Variants in SAE1 observed in about 807,000 individuals in gnomAD.
The protein encoded by SAE1 is SUMO-activating enzyme subunit 1.
SAE1 carries 11 observed loss-of-function variants against 40.6 expected under a neutral mutation model. The ratio of observed to expected loss-of-function variants is 0.27; its 90% confidence interval spans 0.17 to 0.45. SAE1 has a LOEUF of 0.45. Ranked by LOEUF, SAE1 falls within the 20% of genes least tolerant of loss-of-function variation. SAE1 has a pLI of 1.00. For missense variants in SAE1, 373 were observed against 427.3 expected (o/e 0.87, Z 1.12); for synonymous variants, 155 against 154.3 (o/e 1.00, Z -0.03).
At chr19:47,181,584 T>C (rs1314685939) in intron 6 of SAE1, among the ~76,000 whole-genome samples, 6 of 146,410 alleles carry the variant, frequency 4.1e-5, no homozygotes, top group Non-Finnish European at 7.5e-5. Flanking sequence ...GTTTACGCCA[T>C]TCTCCTGCCT....
intron 6 of SAE1, among the ~76,000 whole-genome samples, chr19:47,194,604 T>C (rs1347150759): frequency 6.6e-6 from 1 of 152,170 alleles, no homozygotes; most frequent in Non-Finnish European, 1.5e-5. Flanking sequence ...GAAAGAGTAT[T>C]GTCCTTAGAG....
At chr19:47,196,332 GCTT>G (rs2058615109) in intron 6 of SAE1, among the ~76,000 whole-genome samples, 1 of 76,324 alleles carries the variant, frequency 1.3e-5, no homozygotes, top group Non-Finnish European at 2.3e-5. Context: ...ACCGCGCCTG[GCTT>G]TTTTTTTTTT....
chr19:47,182,494 T>TGCGCGCGCACGCACGC (rs1195553514), intron 6 of SAE1, among the ~76,000 whole-genome samples: 12 of 137,314 alleles, frequency 8.7e-5, no homozygotes, highest in African/African-American at 3.7e-4. Flanking sequence ...TGTGTGTGTG[T>TGCGCGCGCACGCACGC]GTGCGCGCAC....
Position 47,150,367 on chromosome 19 carries a change from T to C in SAE1, c.376T>C (p.Phe126Leu). 1 of 1,601,834 alleles carries C rather than the reference T, an allele frequency of 6.2e-7. No homozygotes were observed. Among genetic ancestry groups the C allele is most frequent in the Non-Finnish European group, 8.5e-7 (1 of 1,174,934 alleles). ...EKKPESFFTQFDAVCLTCCSR... is the reference protein window; with the variant it reads ...EKKPESFFTQLDAVCLTCCSR... Reference sequence around the variant, plus strand: ...GAAACCAGAGTCATTTTTCACTCAATTCGATGCTGTAAGTTTCTTATTATA... The same window carrying C: ...GAAACCAGAGTCATTTTTCACTCAACTCGATGCTGTAAGTTTCTTATTATA... The change falls in exon 3 of 9, where the codon TTC (phenylalanine) becomes CTC (leucine). Residue 126 changes from phenylalanine (F) to leucine (L), a missense_variant. Transcript: ENST00000270225.
chr19:47,209,362 C>T lies in SAE1; in HGVS notation c.*111C>T. The T allele has an allele frequency of 6.4e-7, 1 of 1,572,236 alleles. No individual in the cohort carries two copies. The highest frequency in any genetic ancestry group is 8.7e-7 in the Non-Finnish European group (1 of 1,153,150). Reference sequence around the variant, plus strand: ...GGCAAGGAAAACTGAAGTCATTGGCCCGATACAAAACATTTCCTGCAACGA... The same window carrying T: ...GGCAAGGAAAACTGAAGTCATTGGCTCGATACAAAACATTTCCTGCAACGA... On this transcript the variant is annotated 3_prime_UTR_variant, in exon 9 of 9. Coordinates refer to ENST00000270225, the MANE Select transcript of SAE1 (RefSeq NM_005500.3).
At chr19:47,201,459 C>T (rs1384795362) in intron 7 of SAE1, among the ~76,000 whole-genome samples, 1 of 132,728 alleles carries the variant, frequency 7.5e-6, no homozygotes, top group Non-Finnish European at 1.6e-5. Flanking sequence ...GCAACCTCTG[C>T]CTCCCAGCTT....
At position 47,181,966 on chromosome 19, in the gene SAE1, T is replaced by A. The variant is rs376664496; in HGVS notation, c.733+12043T>A. Reference sequence around the variant, plus strand: ...TTATTGTAGGCTAAATTTTTAATTTTATTGTAGAGAGGCCTCACTCCATGG... The same window carrying A: ...TTATTGTAGGCTAAATTTTTAATTTAATTGTAGAGAGGCCTCACTCCATGG... On this transcript the variant is annotated intron_variant, in intron 6 of 8. Transcript: ENST00000270225. Among the ~76,000 whole-genome samples the A allele has an allele frequency of 6.9e-4, 105 of 151,792 alleles. 5 individuals carry two copies. In the South Asian group the frequency reaches 0.021, roughly 31 times the overall value.
chr19:47,152,420 A>G (rs1408397112), intron 3 of SAE1, among the ~76,000 whole-genome samples: 1 of 152,228 alleles, frequency 6.6e-6, no homozygotes, highest in East Asian at 1.9e-4. Flanking sequence ...GGACTTGTTT[A>G]TCTTCTTTAT....
rs1194430113 is a variant in SAE1, at chr19:47,163,583, T to C, written c.628-6235T>C. ...TCTCTAACAGAAATACAAAATTAGC[T>C]GGGCATGGTGGCTCACACCTGTAAT... On this transcript the variant is annotated intron_variant, in intron 5 of 8. Transcript: ENST00000270225. Among the ~76,000 whole-genome samples the C allele has an allele frequency of 5.3e-5, 8 of 152,040 alleles. No individual in the cohort carries two copies. The East Asian group carries it at 1.6e-3, about 30-fold the overall frequency.
At chr19:47,203,227 G>A (rs745634776) in intron 7 of SAE1, among the ~76,000 whole-genome samples, 7 of 152,062 alleles carry the variant, frequency 4.6e-5, no homozygotes, top group South Asian at 2.1e-4. Context: ...TTAATTTCAC[G>A]CCTCAAATTT....
chr19:47,198,738 A>G (rs541635254), intron 7 of SAE1, among the ~76,000 whole-genome samples: 2 of 151,898 alleles, frequency 1.3e-5, no homozygotes, highest in Non-Finnish European at 2.9e-5. Flanking sequence ...AGCAAACCCC[A>G]CTCCATTTAG....
chr19:47,197,481 AC>A, intron 7 of SAE1, 104 bp downstream of exon 7: 1 of 939,656 alleles, frequency 1.1e-6, no homozygotes, highest in Admixed American at 2.5e-5. Context: ...TTCAGAGAGC[AC>A]CCTGCCACAT....
At chr19:47,168,526 T>A (rs2058410357) in intron 5 of SAE1, among the ~76,000 whole-genome samples, 1 of 152,132 alleles carries the variant, frequency 6.6e-6, no homozygotes, top group Non-Finnish European at 1.5e-5. Flanking sequence ...ACTCCTGGAC[T>A]CAGGTGATCA....
intron 6 of SAE1, among the ~76,000 whole-genome samples, chr19:47,184,787 T>TTTTTG (rs1321682255): frequency 6.8e-6 from 1 of 147,790 alleles, no homozygotes; most frequent in Non-Finnish European, 1.5e-5. Flanking sequence ...GTTTTTTTTG[T>TTTTTG]TTTTGTTTTG....
chr19:47,153,059 G>T lies in SAE1; in HGVS notation c.527+19G>T. ...TTGTAGAGTAAGTGTTGGGAGAGGA[G>T]GGGAGAACATAACATTTTCTCCTTT... On this transcript the variant is annotated intron_variant, in intron 4 of 8. Transcript: ENST00000270225. The T allele has an allele frequency of 7.0e-6, 11 of 1,573,706 alleles. No homozygotes were observed. Among genetic ancestry groups the T allele is most frequent in the Non-Finnish European group, 9.5e-6 (11 of 1,163,022 alleles).
At chr19:47,204,025 G>T (rs866593053) in intron 8 of SAE1, among the ~76,000 whole-genome samples, 1 of 152,032 alleles carries the variant, frequency 6.6e-6, no homozygotes, top group South Asian at 2.1e-4. Flanking sequence ...AGTGCCTGTT[G>T]TATTGGTCAG....
chr19:47,162,590 A>C (rs1950260071), intron 5 of SAE1, among the ~76,000 whole-genome samples: 1 of 151,046 alleles, frequency 6.6e-6, no homozygotes, highest in Admixed American at 6.6e-5. Context: ...TGGTCCCTCT[A>C]CCCTCCCCAC....
At chr19:47,149,586 C>G (rs994684609) in intron 2 of SAE1, among the ~76,000 whole-genome samples, 2 of 152,116 alleles carry the variant, frequency 1.3e-5, no homozygotes, top group African/African-American at 2.4e-5. Context: ...CAATTCTTGC[C>G]ACTGTTAATC....
intron 1 of SAE1, among the ~76,000 whole-genome samples, chr19:47,137,831 C>T (rs986390365): frequency 3.3e-5 from 5 of 151,330 alleles, no homozygotes; most frequent in East Asian, 2.0e-4. Flanking sequence ...TGAGTTCAAG[C>T]GATTCTCCTG....
Sources: allele counts gnomAD v4.1 joint callset (sites outside exome capture counted in the v4.1 genomes callset), GRCh38; gene constraint gnomAD v4.1.1; transcripts MANE v1.5; gene names NCBI Gene and HGNC (gene_info 2026-07-23, HGNC 2026-07-21).